The following GNB1 variants were observed in gnomAD, a reference collection of about 807,000 sequenced individuals.
GNB1 encodes G protein subunit beta 1.
GNB1 carries 2 observed loss-of-function variants against 42.9 expected under a neutral mutation model. That is an observed-to-expected ratio of 0.05 (90% CI 0.02 to 0.15). The LOEUF is 0.15. Ranked by LOEUF, GNB1 falls within the 10% of genes least tolerant of loss-of-function variation. The probability of loss-of-function intolerance (pLI) is 1.00; values close to 1 mark genes in which losing one functional copy is unlikely to be tolerated. For missense variants in GNB1, 193 were observed against 462.2 expected, an observed-to-expected ratio of 0.42 and a Z score of 5.34; for synonymous variants, 183 against 174.7, an observed-to-expected ratio of 1.05 and a Z score of -0.38.
intron 1 of GNB1, among the ~76,000 whole-genome samples, chr1:1,886,956 G>A (rs1650190458): frequency 6.6e-6 from 1 of 152,062 alleles, no homozygotes; most frequent in Admixed American, 6.6e-5. Flanking sequence ...CTCATGATCC[G>A]CCTGACTCGG....
At chr1:1,872,233 C>A (rs758462471) in intron 1 of GNB1, among the ~76,000 whole-genome samples, 5 of 152,170 alleles carry the variant, frequency 3.3e-5, no homozygotes, top group Non-Finnish European at 7.4e-5. Context: ...CTGTCTCAAC[C>A]TCCCAAACTG....
At chr1:1,864,805 G>A (rs1394408254) in intron 1 of GNB1, among the ~76,000 whole-genome samples, 1 of 152,168 alleles carries the variant, frequency 6.6e-6, no homozygotes, top group Non-Finnish European at 1.5e-5. Context: ...GCATCTTAGA[G>A]TGCTCACTTA....
intron 1 of GNB1, among the ~76,000 whole-genome samples, chr1:1,845,313 C>T (rs1005526653): frequency 6.6e-6 from 1 of 152,170 alleles, no homozygotes; most frequent in Non-Finnish European, 1.5e-5. Flanking sequence ...GTGGCTCACG[C>T]CTGTAATCCC....
intron 3 of GNB1, among the ~76,000 whole-genome samples, chr1:1,823,460 A>G (rs1248499368): frequency 7.2e-5 from 11 of 152,138 alleles, no homozygotes; most frequent in African/African-American, 2.7e-4. Flanking sequence ...CAAAATTTGA[A>G]TACCTTTTGG....
At chr1:1,859,344 A>C (rs1177917488) in intron 1 of GNB1, among the ~76,000 whole-genome samples, 10 of 151,892 alleles carry the variant, frequency 6.6e-5, no homozygotes, top group Admixed American at 6.6e-4. Flanking sequence ...TCAAATGGCT[A>C]CCCTAACTTC....
chr1:1,796,924 G>T (rs777503727), intron 7 of GNB1, among the ~76,000 whole-genome samples: 4 of 152,166 alleles, frequency 2.6e-5, no homozygotes, highest in Non-Finnish European at 4.4e-5. Context: ...GAGTGGAAGC[G>T]TAGGAGAAAG....
Position 1,789,272 on chromosome 1 carries a change from G to A in GNB1, c.700-3C>T, listed in dbSNP as rs764459240. On this transcript the variant is annotated splice_region_variant and splice_polypyrimidine_tract_variant and intron_variant, in intron 9 of 11. Transcript: ENST00000378609. Reference sequence around the variant, plus strand: ...AATGCATTGCCATTTGGAAAGAACTGGAAAGAGAAAGCAAATCAAGACATC... The same window carrying A: ...AATGCATTGCCATTTGGAAAGAACTAGAAAGAGAAAGCAAATCAAGACATC... The A allele has an allele frequency of 3.8e-6, 6 of 1,564,232 alleles. No homozygotes were observed. In the South Asian group the frequency reaches 6.7e-5, roughly 17 times the overall value.
rs1297349548 is a variant in GNB1 at position 1,790,130 on chromosome 1, G to T, written c.699+265C>A. Among the ~76,000 whole-genome samples, 2 of 152,168 alleles carry T rather than the reference G, an allele frequency of 1.3e-5. No individual in the cohort carries two copies. Among genetic ancestry groups the T allele is most frequent in the African/African-American group, 4.8e-5 (2 of 41,424 alleles). ...CACTGGTGGCCTGAGTTATCTTACT[G>T]TCTTTCCCCTCCAGGATCCCAACCA... On this transcript the variant is annotated intron_variant, in intron 9 of 11. Transcript: ENST00000378609. The surrounding 1 kb of genome is among the most constrained non-coding windows in gnomAD (Gnocchi z 5.4).
In GNB1 at chr1:1,859,280, C is replaced by CGAAAGTGCTGGGCTTACA. The variant is rs1553203043; in HGVS notation, c.-95-20060_-95-20043dup. ...CAAGTGATCCACCCGCCTGAGCCTCCGAAAGTGCTGGGCTTACAGGCGTGA... is the reference window on the plus strand; with the variant it reads ...CAAGTGATCCACCCGCCTGAGCCTCCGAAAGTGCTGGGCTTACAGAAAGTGCTGGGCTTACAGGCGTGA... On this transcript the variant is annotated intron_variant, in intron 1 of 11. Coordinates refer to ENST00000378609, the MANE Select transcript of GNB1 (RefSeq NM_002074.5). Among the ~76,000 whole-genome samples the CGAAAGTGCTGGGCTTACA allele has an allele frequency of 2.0e-5, 3 of 152,118 alleles. No homozygotes were observed. In the East Asian group the frequency reaches 5.8e-4, roughly 29 times the overall value.
At chr1:1,803,052 G>A (rs1031551072) in intron 7 of GNB1, among the ~76,000 whole-genome samples, 3 of 152,220 alleles carry the variant, frequency 2.0e-5, no homozygotes, top group Non-Finnish European at 4.4e-5. Flanking sequence ...TGCTTAATGG[G>A]TGTCAACTGT....
chr1:1,833,010 A>C (rs896904478), intron 2 of GNB1, among the ~76,000 whole-genome samples: 1 of 152,228 alleles, frequency 6.6e-6, no homozygotes, highest in African/African-American at 2.4e-5. Context: ...TCTCAAGGAC[A>C]ACAGGCACCA....
At chr1:1,829,744 T>C (rs1016174416) in intron 2 of GNB1, among the ~76,000 whole-genome samples, 10 of 152,082 alleles carry the variant, frequency 6.6e-5, no homozygotes, top group Non-Finnish European at 1.3e-4. Flanking sequence ...CCATCTTTTT[T>C]CTTTTTTTTT....
intron 2 of GNB1, 44 bp downstream of exon 2, chr1:1,839,146 A>G (rs1570695534): frequency 1.3e-5 from 2 of 152,242 alleles, no homozygotes; most frequent in East Asian, 1.9e-4. Context: ...AAATTTATAT[A>G]TTGTCTTTCT....
chr1:1,878,663 T>C (rs2101858455), intron 1 of GNB1, among the ~76,000 whole-genome samples: 1 of 152,342 alleles, frequency 6.6e-6, no homozygotes, highest in East Asian at 1.9e-4. Flanking sequence ...AGTTGGCATC[T>C]CTTATTCACT....
intron 1 of GNB1, among the ~76,000 whole-genome samples, chr1:1,869,832 G>A (rs896631824): frequency 6.6e-6 from 1 of 152,034 alleles, no homozygotes; most frequent in Non-Finnish European, 1.5e-5. Context: ...TTGTAATGCT[G>A]CTTTGTTATG....
Position 1,785,762 on chromosome 1 carries a change from T to A in GNB1, c.*1301A>T. 5.5e-5 allele frequency: 15 copies of A among 272,802 alleles called. No individual in the cohort carries two copies. The highest frequency in any genetic ancestry group is 1.1e-4 in the East Asian group (2 of 17,894). 16.9% of individuals were successfully genotyped at this position (272,802 alleles called of 1,614,324 possible). ...CTCCCTCTCCCTCCCTCTCTCTCCC[T>A]CCCCACCCTCAGAATCCAACAGCAG... On this transcript the variant is annotated 3_prime_UTR_variant, in exon 12 of 12. Transcript: ENST00000378609.
At chr1:1,858,635 T>C (rs1648434176) in intron 1 of GNB1, among the ~76,000 whole-genome samples, 1 of 152,306 alleles carries the variant, frequency 6.6e-6, no homozygotes, top group South Asian at 2.1e-4. Flanking sequence ...CTGTGGGCCA[T>C]GAAAGCCTAA....
intron 5 of GNB1, among the ~76,000 whole-genome samples, chr1:1,812,438 C>CA (rs59909733): frequency 6.6e-6 from 1 of 151,670 alleles, no homozygotes; most frequent in East Asian, 1.9e-4. Flanking sequence ...ACCCTCCCCC[C>CA]AAAAAACCTC....
At chr1:1,847,198 G>T (rs901671201) in intron 1 of GNB1, among the ~76,000 whole-genome samples, 3 of 152,120 alleles carry the variant, frequency 2.0e-5, no homozygotes, top group Non-Finnish European at 2.9e-5. Flanking sequence ...TTATGATCAG[G>T]ACTGCTCTTA....
Sources: allele counts gnomAD v4.1 joint callset (sites outside exome capture counted in the v4.1 genomes callset), GRCh38; gene constraint gnomAD v4.1.1; non-coding constraint Gnocchi (gnomAD v3.1); transcripts MANE v1.5; gene names NCBI Gene and HGNC (gene_info 2026-07-23, HGNC 2026-07-21).